RGS21: variants seen among roughly 807,000 people sequenced by gnomAD.
The protein encoded by RGS21 is regulator of G-protein signalling 21.
Under a neutral mutation model 18.7 loss-of-function variants are expected in RGS21, and 19 were observed. That is an observed-to-expected ratio of 1.01 (90% CI 0.71 to 1.49). The LOEUF (loss-of-function observed/expected upper bound fraction) is 1.49, where lower values mean the gene tolerates loss of function less well. RGS21 is among the 40% of genes most tolerant of loss of function. RGS21 has a pLI of 0.00. For synonymous variants in RGS21, 56 were observed against 57.8 expected (o/e 0.97, Z 0.14); for missense variants, 194 against 176.8 (o/e 1.10, Z -0.55).
chr1:192,351,423 G>GT (rs1214338341), intron 3 of RGS21, among the ~76,000 whole-genome samples: 8 of 151,918 alleles, frequency 5.3e-5, no homozygotes, highest in Non-Finnish European at 8.8e-5. Flanking sequence ...ATCAGACTTT[G>GT]TTTCTGCACC....
intron 4 of RGS21, among the ~76,000 whole-genome samples, chr1:192,353,675 A>C (rs980847743): frequency 4.0e-5 from 6 of 151,764 alleles, no homozygotes; most frequent in African/African-American, 1.4e-4. Context: ...ATACATAATA[A>C]ACCATCAATT....
In RGS21 at chr1:192,333,628, C is replaced by CAA. The variant is rs376989840; in HGVS notation, c.-60-9322_-60-9321dup. 4.1e-4 allele frequency among the ~76,000 whole-genome samples: 42 copies of CAA among 102,394 alleles called. 1 individual carries two copies. The highest frequency in any genetic ancestry group is 3.0e-3 in the East Asian group (8 of 2,680). 67.2% of individuals were successfully genotyped at this position (102,394 alleles called of 152,430 possible). On this transcript the variant is annotated intron_variant, in intron 1 of 4. Transcript: ENST00000417209. The stretch of plus-strand genomic sequence containing the variant: ...TATTTTTATAATATTCTCAAAATGA[C>CAA]AAAAAAAAAAAAAAAAAAAAAAAAA...
intron 3 of RGS21, among the ~76,000 whole-genome samples, chr1:192,348,042 G>A (rs575596354): frequency 2.1e-5 from 3 of 146,214 alleles, no homozygotes; most frequent in South Asian, 2.2e-4. Context: ...TTTTTGAGAC[G>A]GAGTCTTGCT....
At chr1:192,347,179 T>C in intron 2 of RGS21, 134 bp from the exon 3 acceptor site, 1 of 608,374 alleles carries the variant, frequency 1.6e-6, no homozygotes, top group East Asian at 2.7e-5. Flanking sequence ...AATAGCATTG[T>C]ATAATTTTTT....
chr1:192,341,843 A>G (rs1367697230), intron 1 of RGS21, among the ~76,000 whole-genome samples: 2 of 149,776 alleles, frequency 1.3e-5, no homozygotes, highest in Non-Finnish European at 3.0e-5. Context: ...TCAAGCATAT[A>G]TTATAAAATT....
At chr1:192,348,025 T>A (rs1213015012) in intron 3 of RGS21, among the ~76,000 whole-genome samples, 7 of 151,022 alleles carry the variant, frequency 4.6e-5, no homozygotes, top group Non-Finnish European at 8.9e-5. Context: ...TATATGTATT[T>A]TTTTTTTTTT....
chr1:192,357,137 G>T (rs904378015), intron 4 of RGS21, among the ~76,000 whole-genome samples: 1 of 151,798 alleles, frequency 6.6e-6, no homozygotes, highest in African/African-American at 2.4e-5. Flanking sequence ...GAGGATCAGG[G>T]AATGTATTTC....
chr1:192,318,178 A>G (rs1339666074), intron 1 of RGS21, among the ~76,000 whole-genome samples: 2 of 151,900 alleles, frequency 1.3e-5, no homozygotes, highest in African/African-American at 2.4e-5. Flanking sequence ...TGCATTATCT[A>G]AAAAAAACCT....
chr1:192,343,083 G>T, intron 2 of RGS21, 36 bp downstream of exon 2: 2 of 1,603,934 alleles, frequency 1.2e-6, no homozygotes, highest in Non-Finnish European at 1.7e-6. Flanking sequence ...TATCTCAGAA[G>T]ATGTACAAAT....
At chr1:192,357,163 A>G (rs766282152) in intron 4 of RGS21, among the ~76,000 whole-genome samples, 2 of 151,892 alleles carry the variant, frequency 1.3e-5, no homozygotes, top group Non-Finnish European at 2.9e-5. Context: ...AGTAACTGGT[A>G]AGCTTTGACC....
intron 1 of RGS21, among the ~76,000 whole-genome samples, chr1:192,323,699 C>T (rs74319420): frequency 6.6e-6 from 1 of 151,920 alleles, no homozygotes; most frequent in African/African-American, 2.4e-5. Context: ...ATAATAAGCT[C>T]AGAAGAAGGG....
intron 1 of RGS21, among the ~76,000 whole-genome samples, chr1:192,318,739 A>G (rs1039795943): frequency 4.6e-5 from 7 of 152,144 alleles, no homozygotes; most frequent in Non-Finnish European, 8.8e-5. Context: ...TATTGAAAGA[A>G]TAAAAAACCC....
intron 1 of RGS21, among the ~76,000 whole-genome samples, chr1:192,325,436 G>C (rs780832314): frequency 6.6e-6 from 1 of 151,802 alleles, no homozygotes. Context: ...GTGTCTTTTC[G>C]GTAGAACAAT....
At chr1:192,350,699 G>A (rs1659028977) in intron 3 of RGS21, among the ~76,000 whole-genome samples, 1 of 152,182 alleles carries the variant, frequency 6.6e-6, no homozygotes, top group Non-Finnish European at 1.5e-5. Context: ...GGTGCAAACT[G>A]TGACACTGAA....
At chr1:192,337,334 G>A (rs1374422860) in intron 1 of RGS21, among the ~76,000 whole-genome samples, 1 of 151,514 alleles carries the variant, frequency 6.6e-6, no homozygotes, top group African/African-American at 2.4e-5. Context: ...CCAGACTGTG[G>A]TATTCCATTG....
At chr1:192,347,821 G>A (rs1486431519) in intron 3 of RGS21, among the ~76,000 whole-genome samples, 1 of 151,488 alleles carries the variant, frequency 6.6e-6, no homozygotes, top group African/African-American at 2.4e-5. Context: ...CACCATACCC[G>A]GCTAATTTTT....
chr1:192,335,666 CA>C (rs1426598573), intron 1 of RGS21, among the ~76,000 whole-genome samples: 1 of 152,126 alleles, frequency 6.6e-6, no homozygotes, highest in Non-Finnish European at 1.5e-5. Context: ...GCAATGCTAC[CA>C]ACGGAAGGTT....
chr1:192,324,672 C>T lies in RGS21; in HGVS notation c.-61+7567C>T, dbSNP rs578011708. On this transcript the variant is annotated intron_variant, in intron 1 of 4. Transcript: ENST00000417209. ...TTCACACACACACATAATTATAAAA[C>T]ACACACACACATAATTATAAAATTT... Among the ~76,000 whole-genome samples the T allele has an allele frequency of 5.3e-5, 8 of 151,936 alleles. No individual in the cohort carries two copies. In the South Asian group the frequency reaches 1.2e-3, roughly 24 times the overall value.
At chr1:192,335,479 T>C (rs1358576934) in intron 1 of RGS21, among the ~76,000 whole-genome samples, 1 of 152,218 alleles carries the variant, frequency 6.6e-6, no homozygotes, top group South Asian at 2.1e-4. Context: ...GTTTTACGTA[T>C]TGTTTTTCTA....
Sources: gnomAD v4.1 joint callset for allele counts (sites outside exome capture counted in the v4.1 genomes callset) on GRCh38, gnomAD v4.1.1 for gene constraint, MANE v1.5 for transcripts, NCBI Gene and HGNC (gene_info 2026-07-23, HGNC 2026-07-21) for gene names.